MAMDC2: variants seen among roughly 807,000 people sequenced by gnomAD.
The protein encoded by MAMDC2 is MAM domain-containing protein 2.
MAMDC2 carries 57 observed loss-of-function variants against 89.8 expected under a neutral mutation model. The ratio of observed to expected loss-of-function variants is 0.63; its 90% confidence interval spans 0.51 to 0.79. MAMDC2 has a LOEUF of 0.79. MAMDC2 is among the 30% of genes least tolerant of loss of function. MAMDC2 has a pLI of 0.00. For missense variants in MAMDC2, 800 were observed against 820.6 expected, an observed-to-expected ratio of 0.97 and a Z score of 0.31; for synonymous variants, 313 against 293.4, an observed-to-expected ratio of 1.07 and a Z score of -0.68.
intron 11 of MAMDC2, among the ~76,000 whole-genome samples, chr9:70,195,861 A>C (rs2032965343): frequency 1.3e-5 from 2 of 152,114 alleles, no homozygotes; most frequent in African/African-American, 4.8e-5. Flanking sequence ...ATAAGGAAAG[A>C]AAAAACAATT....
chr9:70,102,930 C>G (rs3015198), intron 2 of MAMDC2, among the ~76,000 whole-genome samples: 22,328 of 152,124 alleles, frequency 0.15, 2,007 homozygotes, highest in African/African-American at 0.23. Flanking sequence ...CCTGTGATTT[C>G]TGCCCTTCTT....
At chr9:70,154,594 G>A (rs1462648579) in intron 9 of MAMDC2, among the ~76,000 whole-genome samples, 1 of 146,794 alleles carries the variant, frequency 6.8e-6, no homozygotes, top group Admixed American at 7.0e-5. Context: ...GCACGATCAT[G>A]GTTCACTGCA....
chr9:70,067,429 A>G (rs954125567), intron 2 of MAMDC2, among the ~76,000 whole-genome samples: 2 of 152,270 alleles, frequency 1.3e-5, no homozygotes, highest in South Asian at 2.1e-4. Flanking sequence ...GCTCAGATAC[A>G]GCTTCCAGTA....
At chr9:70,210,410 C>A (rs1199889062) in intron 11 of MAMDC2, among the ~76,000 whole-genome samples, 1 of 152,136 alleles carries the variant, frequency 6.6e-6, no homozygotes, top group Non-Finnish European at 1.5e-5. Context: ...CTCTTTTGAT[C>A]TTTGTTGGTT....
At chr9:70,204,066 A>G (rs1563998234) in intron 11 of MAMDC2, among the ~76,000 whole-genome samples, 1 of 151,836 alleles carries the variant, frequency 6.6e-6, no homozygotes, top group African/African-American at 2.4e-5. Flanking sequence ...CGTCAAAGTC[A>G]TTCTCCATCC....
Position 70,170,624 on chromosome 9 carries a change from T to C in MAMDC2, c.1644T>C (p.Thr548=), listed in dbSNP as rs1336311186. ...SYTGPKGDHT[T]GVGYYMYIEA... Reference sequence around the variant, plus strand: ...CAGGACCAAAGGGAGATCACACTACTGGGGTAGGTGAGTTATGCCACGTGG... The same window carrying C: ...CAGGACCAAAGGGAGATCACACTACCGGGGTAGGTGAGTTATGCCACGTGG... The change falls in exon 11 of 14, where the codon ACT becomes ACC. Residue 548 remains threonine, a synonymous_variant. Coordinates refer to ENST00000377182, the MANE Select transcript of MAMDC2 (RefSeq NM_153267.5). 2.5e-6 allele frequency: 4 copies of C among 1,594,364 alleles called. No individual in the cohort carries two copies. Among genetic ancestry groups the C allele is most frequent in the Non-Finnish European group, 3.4e-6 (4 of 1,173,046 alleles).
chr9:70,202,072 T>G (rs1285750357), intron 11 of MAMDC2, among the ~76,000 whole-genome samples: 2 of 152,068 alleles, frequency 1.3e-5, no homozygotes, highest in Admixed American at 6.6e-5. Context: ...GCTCTGATTT[T>G]AGTTATTTCT....
At chr9:70,203,184 C>T (rs1267283602) in intron 11 of MAMDC2, among the ~76,000 whole-genome samples, 16 of 151,886 alleles carry the variant, frequency 1.1e-4, no homozygotes, top group African/African-American at 1.9e-4. Context: ...GATTTTGCAG[C>T]GGCTGGTACC....
rs1403452495 is a variant in MAMDC2 at position 70,202,572 on chromosome 9, C to T, written c.1652-15765C>T. Among the ~76,000 whole-genome samples, 510 of 148,484 alleles carry T rather than the reference C, an allele frequency of 3.4e-3. 5 individuals are homozygous for T. The highest frequency in any genetic ancestry group is 9.9e-3 in the African/African-American group (395 of 40,004). ...GAGTTCTGTAGATGTCTATTAGGTC[C>T]GCTTGGTGCAGAGCTGAGTTCAATT... On this transcript the variant is annotated intron_variant, in intron 11 of 13. Coordinates refer to ENST00000377182, the MANE Select transcript of MAMDC2 (RefSeq NM_153267.5).
chr9:70,224,149 C>T (rs1263443150), intron 12 of MAMDC2, among the ~76,000 whole-genome samples: 3 of 152,074 alleles, frequency 2.0e-5, no homozygotes, highest in African/African-American at 7.2e-5. Flanking sequence ...TTTCCCTCTT[C>T]TTGCCACTTA....
At chr9:70,047,754 T>A (rs920840962) in intron 2 of MAMDC2, among the ~76,000 whole-genome samples, 1 of 152,182 alleles carries the variant, frequency 6.6e-6, no homozygotes, top group African/African-American at 2.4e-5. Context: ...GAAGGTAAGT[T>A]GGGACACAAA....
chr9:70,146,708 C>T (rs1449334333), intron 9 of MAMDC2, among the ~76,000 whole-genome samples: 4 of 152,016 alleles, frequency 2.6e-5, no homozygotes, highest in African/African-American at 4.8e-5. Context: ...CGAGGCGAGT[C>T]GATCACCTGA....
chr9:70,163,478 T>G (rs1161041443), intron 9 of MAMDC2, among the ~76,000 whole-genome samples: 2 of 152,004 alleles, frequency 1.3e-5, no homozygotes, highest in African/African-American at 2.4e-5. Context: ...GCGCCTGCCT[T>G]GGCCTCCCAA....
At chr9:70,217,467 G>A in intron 11 of MAMDC2, 1 of 1,424,486 alleles carries the variant, frequency 7.0e-7, no homozygotes, top group Non-Finnish European at 9.9e-7. Flanking sequence ...CTGATATAAT[G>A]GCCAAGAGGA....
intron 7 of MAMDC2, among the ~76,000 whole-genome samples, chr9:70,137,028 C>T (rs928393335): frequency 6.6e-6 from 1 of 152,172 alleles, no homozygotes; most frequent in Admixed American, 6.5e-5. Context: ...CAGTCTGGCT[C>T]ATCTGGGTTT....
At chr9:70,125,267 C>A (rs35468948) in intron 5 of MAMDC2, among the ~76,000 whole-genome samples, 1 of 152,326 alleles carries the variant, frequency 6.6e-6, no homozygotes, top group African/African-American at 2.4e-5. Flanking sequence ...ACCAGGCACA[C>A]GCTAAGCACT....
chr9:70,134,937 G>C (rs936490936), intron 7 of MAMDC2, among the ~76,000 whole-genome samples: 1 of 152,120 alleles, frequency 6.6e-6, no homozygotes, highest in Admixed American at 6.5e-5. Context: ...ACTGCCCCCA[G>C]TATCTATCTT....
At chr9:70,194,329 A>C (rs1174497810) in intron 11 of MAMDC2, 4 of 152,142 alleles carry the variant, frequency 2.6e-5, no homozygotes, top group Non-Finnish European at 5.9e-5. Flanking sequence ...AGTGTAACAG[A>C]ATTAAGAGAC....
At position 70,177,763 on chromosome 9, in the gene MAMDC2, C is replaced by T. The variant is rs527955632; in HGVS notation, c.1651+7132C>T. On this transcript the variant is annotated intron_variant, in intron 11 of 13. Coordinates refer to ENST00000377182, the MANE Select transcript of MAMDC2 (RefSeq NM_153267.5). ...CTAATGGCTATATATTCTGCCTACA[C>T]TGCCTCACTAGGGTTTCCAAACCTA... 3.9e-5 allele frequency among the ~76,000 whole-genome samples: 6 copies of T among 152,298 alleles called. No individual in the cohort carries two copies. The South Asian group carries it at 8.3e-4, about 21-fold the overall frequency.
Sources: allele counts gnomAD v4.1 joint callset (sites outside exome capture counted in the v4.1 genomes callset), GRCh38; gene constraint gnomAD v4.1.1; transcripts MANE v1.5; gene names NCBI Gene and HGNC (gene_info 2026-07-23, HGNC 2026-07-21).